The following GOLPH3 variants were observed in gnomAD, a reference collection of about 807,000 sequenced individuals.
GOLPH3 encodes the protein golgi phosphoprotein 3.
Under a neutral mutation model 28.5 loss-of-function variants are expected in GOLPH3, and 14 were observed. The observed-to-expected ratio is 0.49, with a 90% CI of 0.32 to 0.77. The LOEUF (loss-of-function observed/expected upper bound fraction) is 0.77. Among genes scored for constraint, GOLPH3 ranks in the 30% least tolerant of loss-of-function variants. GOLPH3 has a pLI of 0.03. For synonymous variants in GOLPH3, 158 were observed against 159.2 expected (o/e 0.99, Z 0.06); for missense variants, 350 against 393.7 (o/e 0.89, Z 0.94).
At chr5:32,168,734 T>G (rs1244149601) in intron 1 of GOLPH3, among the ~76,000 whole-genome samples, 1 of 152,086 alleles carries the variant, frequency 6.6e-6, no homozygotes, top group Non-Finnish European at 1.5e-5. Flanking sequence ...TCTCTCAAGA[T>G]CCAAAGCCCT....
chr5:32,139,979 AG>A (rs1218180298), intron 2 of GOLPH3, among the ~76,000 whole-genome samples: 1 of 152,230 alleles, frequency 6.6e-6, no homozygotes, highest in Non-Finnish European at 1.5e-5. Context: ...ACTCTTTAAG[AG>A]TAGCCAAGAA....
chr5:32,147,933 A>G (rs956739728), intron 1 of GOLPH3, among the ~76,000 whole-genome samples: 2 of 152,210 alleles, frequency 1.3e-5, no homozygotes, highest in African/African-American at 4.8e-5. Context: ...TTCTTCATAT[A>G]AAACAAGTTG....
At chr5:32,127,107 T>A (rs1365141519) in intron 3 of GOLPH3, among the ~76,000 whole-genome samples, 1 of 152,256 alleles carries the variant, frequency 6.6e-6, no homozygotes, top group Non-Finnish European at 1.5e-5. Flanking sequence ...GGCCATGCTA[T>A]TATTTGATAA....
chr5:32,158,115 TAAATAAATAAATAAAATAC>T (rs1746485244), intron 1 of GOLPH3, among the ~76,000 whole-genome samples: 6 of 102,672 alleles, frequency 5.8e-5, no homozygotes, highest in African/African-American at 2.1e-4. Context: ...AATAAATAAA[TAAATAAATAAATAAAATAC>T]ACACACACAC....
chr5:32,138,880 A>G (rs1243487436), intron 2 of GOLPH3, among the ~76,000 whole-genome samples: 1 of 152,258 alleles, frequency 6.6e-6, no homozygotes, highest in Non-Finnish European at 1.5e-5. Flanking sequence ...GAAGGGTGAG[A>G]GAGCACAAGA....
intron 2 of GOLPH3, 149 bp from the exon 3 acceptor site, chr5:32,135,835 CT>C (rs1242065821): frequency 3.3e-6 from 2 of 598,596 alleles, no homozygotes; most frequent in Non-Finnish European, 5.9e-6. Context: ...TTTTAAATTA[CT>C]TTTATGTTAA....
intron 1 of GOLPH3, among the ~76,000 whole-genome samples, chr5:32,161,210 T>C (rs1002469966): frequency 6.7e-6 from 1 of 150,320 alleles, no homozygotes; most frequent in Admixed American, 6.6e-5. Flanking sequence ...TGAGACCAAC[T>C]TGGGCAACAC....
intron 1 of GOLPH3, among the ~76,000 whole-genome samples, chr5:32,149,201 T>C (rs575665914): frequency 6.6e-6 from 1 of 151,548 alleles, no homozygotes; most frequent in East Asian, 1.9e-4. Flanking sequence ...AAATGCAGAG[T>C]AGAAATGAGA....
In GOLPH3 at chr5:32,125,621, G is replaced by A. The variant is rs562901656; in HGVS notation, c.*591C>T. 4.5e-4 allele frequency: 69 copies of A among 152,800 alleles called. No homozygotes were observed. Among genetic ancestry groups the A allele is most frequent in the African/African-American group, 1.6e-3 (68 of 41,564 alleles). The allele number at this position is 152,800 out of a possible 1,614,324, so 9.5% of individuals were successfully genotyped here. A position where few individuals can be genotyped will look rare whatever the true frequency, so the allele number is the denominator to read the frequency against. The stretch of plus-strand genomic sequence containing the variant: ...TCTGTGAAACAATTGGACCTTTATA[G>A]TTAAAATTATAACAAGTGTAATAAT... On this transcript the variant is annotated 3_prime_UTR_variant, in exon 4 of 4. Transcript: ENST00000265070.
chr5:32,142,600 G>A lies in GOLPH3; in HGVS notation c.357+1149C>T, dbSNP rs573135648. ...CAGCCGCCCTGTCCGGGAGGGAGGT[G>A]GGGGGGTCAGCCCCCTGCCCGGCCA... On this transcript the variant is annotated intron_variant, in intron 2 of 3. Coordinates refer to ENST00000265070, the MANE Select transcript of GOLPH3 (RefSeq NM_022130.4). Among the ~76,000 whole-genome samples, 11 of 137,702 alleles carry A rather than the reference G, an allele frequency of 8.0e-5. 1 individual carries two copies. In the South Asian group the frequency reaches 1.6e-3, roughly 21 times the overall value. 90.3% of individuals were successfully genotyped at this position (137,702 alleles called of 152,430 possible). A position where few individuals can be genotyped will look rare whatever the true frequency, so the allele number is the denominator to read the frequency against.
intron 2 of GOLPH3, among the ~76,000 whole-genome samples, chr5:32,140,492 A>G (rs2111850960): frequency 6.6e-6 from 1 of 151,618 alleles, no homozygotes; most frequent in Middle Eastern, 3.4e-3. Flanking sequence ...TCTACTAAAC[A>G]TATAAAAAAA....
At chr5:32,129,003 G>A (rs1745762086) in intron 3 of GOLPH3, among the ~76,000 whole-genome samples, 1 of 152,062 alleles carries the variant, frequency 6.6e-6, no homozygotes, top group South Asian at 2.1e-4. Flanking sequence ...CCAAGATGGT[G>A]AAACCCTGTC....
intron 1 of GOLPH3, among the ~76,000 whole-genome samples, chr5:32,152,151 G>C (rs2111871257): frequency 6.6e-6 from 1 of 151,186 alleles, no homozygotes; most frequent in East Asian, 2.0e-4. Flanking sequence ...TTTTGAGACA[G>C]AGTCTCACTC....
intron 1 of GOLPH3, 47 bp downstream of exon 1, chr5:32,173,763 C>T (rs1369086494): frequency 1.6e-6 from 2 of 1,279,414 alleles, no homozygotes; most frequent in Non-Finnish European, 2.0e-6. Context: ...TCACCTGGCG[C>T]CCGGGCCCCG....
chr5:32,170,460 T>A (rs1465740900), intron 1 of GOLPH3, among the ~76,000 whole-genome samples: 1 of 152,198 alleles, frequency 6.6e-6, no homozygotes, highest in Non-Finnish European at 1.5e-5. Flanking sequence ...CTTAGGAGAA[T>A]CCAGACATTA....
At chr5:32,135,774 T>G in intron 2 of GOLPH3, 88 bp from the exon 3 acceptor site, 1 of 732,674 alleles carries the variant, frequency 1.4e-6, no homozygotes. Context: ...ATTATATAAA[T>G]AATTCATTAT....
chr5:32,156,529 A>G (rs1746430969), intron 1 of GOLPH3, among the ~76,000 whole-genome samples: 1 of 152,048 alleles, frequency 6.6e-6, no homozygotes, highest in Non-Finnish European at 1.5e-5. Context: ...TGTTGTTTAT[A>G]AGTCACACTG....
chr5:32,161,753 C>T (rs965297592), intron 1 of GOLPH3, among the ~76,000 whole-genome samples: 1 of 151,158 alleles, frequency 6.6e-6, no homozygotes, highest in Non-Finnish European at 1.5e-5. Context: ...TCGGGCCAGG[C>T]ACGGTGGCTC....
intron 3 of GOLPH3, among the ~76,000 whole-genome samples, chr5:32,132,056 T>C (rs576463654): frequency 3.9e-5 from 6 of 152,270 alleles, no homozygotes; most frequent in African/African-American, 1.4e-4. Context: ...CTTGGGAGGC[T>C]AAGGCAGGAG....
Sources: gnomAD v4.1 joint callset for allele counts (sites outside exome capture counted in the v4.1 genomes callset) on GRCh38, gnomAD v4.1.1 for gene constraint, MANE v1.5 for transcripts, NCBI Gene and HGNC (gene_info 2026-07-23, HGNC 2026-07-21) for gene names.